Variants in MROH6 observed in about 807,000 individuals in gnomAD.
The protein encoded by MROH6 is maestro heat-like repeat-containing protein family member 6.
A neutral mutation model predicts 67.7 loss-of-function variants in MROH6; 62 were observed. The observed-to-expected ratio is 0.92, with a 90% CI of 0.75 to 1.13. MROH6 has a LOEUF of 1.13. MROH6 is among the 50% of genes most tolerant of loss of function. MROH6 has a pLI of 0.00. For synonymous variants in MROH6, 566 were observed against 470.8 expected, an observed-to-expected ratio of 1.20 and a Z score of -2.62; for missense variants, 1,175 against 1,029.1, an observed-to-expected ratio of 1.14 and a Z score of -1.94.
rs1198480106 is a variant in MROH6, at chr8:143,567,622, G to T, written c.1922C>A (p.Ser641Tyr). 2.6e-6 allele frequency: 4 copies of T among 1,564,632 alleles called. No homozygotes were observed. The Admixed American group carries it at 5.7e-5, about 22-fold the overall frequency. Residue 641 changes from serine (S) to tyrosine (Y), a missense_variant, in exon 13 of 14, where the codon TCC becomes TAC. Coordinates refer to ENST00000398882, the MANE Select transcript of MROH6 (RefSeq NM_001100878.2). ...AGGTGGGGCCTCACCCTGGAACAGGGAGTCCAGCAGGTCCTGGTTGACACA... is the reference window on the plus strand; with the variant it reads ...AGGTGGGGCCTCACCCTGGAACAGGTAGTCCAGCAGGTCCTGGTTGACACA... Reference protein sequence around the residue: ...PGCVNQDLLDSLFQDLGRLQS... With the variant: ...PGCVNQDLLDYLFQDLGRLQS...
chr8:143,569,694 C>T lies in MROH6; in HGVS notation c.1302+3G>A. On this transcript the variant is annotated splice_donor_region_variant and intron_variant, in intron 8 of 13. Transcript: ENST00000398882. ...CCTCTCCACCCCTCCCCTTCTCTCACACCTTCCTGCGATTCAGCGCGAGGT... is the reference window on the plus strand; with the variant it reads ...CCTCTCCACCCCTCCCCTTCTCTCATACCTTCCTGCGATTCAGCGCGAGGT... 2.5e-6 allele frequency: 4 copies of T among 1,612,426 alleles called. No homozygotes were observed. Among genetic ancestry groups the T allele is most frequent in the Non-Finnish European group, 3.4e-6 (4 of 1,179,252 alleles).
chr8:143,571,839 A>G lies in MROH6; in HGVS notation c.448-18T>C, dbSNP rs780614285. ...GCATGCACCTGGTGGGGAAGGGGGCAGACTTCAGCAGTCAGGCCTCCTCCA... is the reference window on the plus strand; with the variant it reads ...GCATGCACCTGGTGGGGAAGGGGGCGGACTTCAGCAGTCAGGCCTCCTCCA... On this transcript the variant is annotated intron_variant, in intron 2 of 13. Transcript: ENST00000398882. 1.3e-6 allele frequency: 2 copies of G among 1,533,494 alleles called. No homozygotes were observed. The highest frequency in any genetic ancestry group is 1.4e-5 in the African/African-American group (1 of 72,824). The allele number at this position is 1,533,494 out of a possible 1,614,324, so 95.0% of individuals were successfully genotyped here.
chr8:143,571,273 AG>A (rs1824020119), intron 3 of MROH6, among the ~76,000 whole-genome samples: 1 of 152,232 alleles, frequency 6.6e-6, no homozygotes, highest in Non-Finnish European at 1.5e-5. Flanking sequence ...ATTATTAAAA[AG>A]AAAAAAATTG....
Position 143,572,553 on chromosome 8 carries a change from A to C in MROH6, c.162T>G (p.Ala54=), listed in dbSNP as rs779858771. The C allele has an allele frequency of 2.5e-6, 4 of 1,606,956 alleles. No homozygotes were observed. Residue 54 remains alanine (A), a synonymous_variant, in exon 1 of 14, where the codon GCT becomes GCG. Transcript: ENST00000398882. The stretch of plus-strand genomic sequence containing the variant: ...CGGTGAGTGCCTGGGTCTGTGGCTC[A>C]GCCTCAGGTTTGACCTCCCAGGACT... ...QPKSWEVKPE[A]EPQTQALTAP... is the part of the protein sequence containing the mutation.
At chr8:143,570,105 G>A (rs780209590) in intron 6 of MROH6, 40 bp from the exon 7 acceptor site, 3 of 1,593,020 alleles carry the variant, frequency 1.9e-6, no homozygotes, top group Non-Finnish European at 2.6e-6. Context: ...TCCGTTTGGC[G>A]GCCTTTCTCC....
chr8:143,570,254 C>A lies in MROH6; in HGVS notation c.1032G>T (p.Leu344=). 1 of 1,565,468 alleles carries A rather than the reference C, an allele frequency of 6.4e-7. No individual in the cohort carries two copies. The highest frequency in any genetic ancestry group is 8.6e-7 in the Non-Finnish European group (1 of 1,157,740). ...CTCACCCTCCTCACCTGGCCAGCAG[C>A]AGGACGCCCTCCAGGTGGGTGTGGG... is the stretch of plus-strand genomic sequence containing the variant. ...VGAHTHLEGV[L]LLASAMVAHA... The change falls in exon 6 of 14, where the codon CTG becomes CTT. Residue 344 remains leucine, a synonymous_variant. Coordinates refer to ENST00000398882, the MANE Select transcript of MROH6 (RefSeq NM_001100878.2).
Position 143,572,433 on chromosome 8 carries a change from C to T in MROH6, c.282G>A (p.Glu94=). The change falls in exon 1 of 14, where the codon GAG becomes GAA. Residue 94 remains glutamate (E), a synonymous_variant. Coordinates refer to ENST00000398882, the MANE Select transcript of MROH6 (RefSeq NM_001100878.2). ...CCTCCCCCGTCACCTGGTGGGGCCC[C>T]TCAGGGGCTGGTTCCAGGGCACTGT... ...SLNSALEPAP[E]GPHQVPQSSW... 6.3e-7 allele frequency: 1 copy of T among 1,582,912 alleles called. No homozygotes were observed. Among genetic ancestry groups the T allele is most frequent in the Non-Finnish European group, 8.6e-7 (1 of 1,167,788 alleles).
At chr8:143,571,038 G>A (rs1454496615) in intron 3 of MROH6, 44 bp from the exon 4 acceptor site, 1 of 1,512,436 alleles carries the variant, frequency 6.6e-7, no homozygotes, top group East Asian at 2.5e-5. Flanking sequence ...AGATGGGTGG[G>A]TGTCCAGGGA....
In MROH6 at chr8:143,571,696, C is replaced by T. The variant is rs770551746; in HGVS notation, c.573G>A (p.Ala191=). 9.0e-6 allele frequency: 14 copies of T among 1,552,366 alleles called. No homozygotes were observed. Among genetic ancestry groups the T allele is most frequent in the Admixed American group, 3.9e-5 (2 of 51,516 alleles). Residue 191 remains alanine (A), a synonymous_variant, in exon 3 of 14, where the codon GCG becomes GCA. Coordinates refer to ENST00000398882, the MANE Select transcript of MROH6 (RefSeq NM_001100878.2). ...ALEHARDVVC[A]LLPRSLPADR... The stretch of plus-strand genomic sequence containing the variant: ...CGGCGGGCAGAGAGCGGGGTAGCAG[C>T]GCACACACCACGTCCCGCGCATGCT...
intron 4 of MROH6, 35 bp downstream of exon 4, chr8:143,570,841 CG>C: frequency 1.1e-6 from 1 of 900,712 alleles, no homozygotes; most frequent in Admixed American, 2.4e-5. Context: ...CCCCCACCCC[CG>C]CCCCCACCCC....
At chr8:143,572,335 A>G in intron 1 of MROH6, 86 bp downstream of exon 1, 1 of 1,478,776 alleles carries the variant, frequency 6.8e-7, no homozygotes, top group Non-Finnish European at 9.1e-7. Flanking sequence ...CGGGGCCAGC[A>G]CCGCCCCCCT....
rs1217512932 is a variant in MROH6 at position 143,568,159 on chromosome 8, G to A, written c.1747C>T (p.His583Tyr). The change falls in exon 11 of 14, where the codon CAC becomes TAC. Residue 583 changes from histidine (H) to tyrosine (Y), a missense_variant. Coordinates refer to ENST00000398882, the MANE Select transcript of MROH6 (RefSeq NM_001100878.2). Reference sequence around the variant, plus strand: ...CTACTGACCAGGCGGCAGCAGAGGTGGCTCAGGGCCTCGGGGCTGTCATAG... The same window carrying A: ...CTACTGACCAGGCGGCAGCAGAGGTAGCTCAGGGCCTCGGGGCTGTCATAG... ...AHYDSPEALS[H>Y]LCCRLVQRYP... 3.7e-6 allele frequency: 6 copies of A among 1,608,728 alleles called. No homozygotes were observed. Among genetic ancestry groups the A allele is most frequent in the Non-Finnish European group, 5.1e-6 (6 of 1,178,154 alleles).
chr8:143,568,716 G>T lies in MROH6; in HGVS notation c.1480C>A (p.Arg494=). 1 of 1,486,010 alleles carries T rather than the reference G, an allele frequency of 6.7e-7. No homozygotes were observed. The highest frequency in any genetic ancestry group is 1.3e-5 in the South Asian group (1 of 77,620). The allele number at this position is 1,486,010 out of a possible 1,614,324, so 92.1% of individuals were successfully genotyped here. Residue 494 remains arginine (R), a synonymous_variant, in exon 10 of 14, where the codon CGG becomes AGG. Transcript: ENST00000398882. ...PRLPPLLDDT[R]DSIRASAVGL... ...ACGGCCGAGGCGCGGATTGAGTCCC[G>T]TGTCTGCGTGGGAGGGCGCAGTCAG... is the stretch of plus-strand genomic sequence containing the variant.
At position 143,568,641 on chromosome 8, in the gene MROH6, C is replaced by T. The variant is rs769500836; in HGVS notation, c.1555G>A (p.Gly519Arg). The change falls in exon 10 of 14, where the codon GGG becomes AGG. Residue 519 changes from glycine (G) to arginine (R), a missense_variant. Coordinates refer to ENST00000398882, the MANE Select transcript of MROH6 (RefSeq NM_001100878.2). ...VRRGRGGLRL[G>R]LRGPLRKLVL... Reference sequence around the variant, plus strand: ...AGCTTCCGCAGGGGGCCGCGGAGCCCCAGCCGGAGCCCGCCCCGGCCCCGG... The same window carrying T: ...AGCTTCCGCAGGGGGCCGCGGAGCCTCAGCCGGAGCCCGCCCCGGCCCCGG... 6.5e-7 allele frequency: 1 copy of T among 1,534,836 alleles called. No individual in the cohort carries two copies. The highest frequency in any genetic ancestry group is 8.7e-7 in the Non-Finnish European group (1 of 1,146,006).
intron 9 of MROH6, 60 bp downstream of exon 9, chr8:143,569,381 G>T: frequency 7.4e-7 from 1 of 1,353,560 alleles, no homozygotes; most frequent in Non-Finnish European, 9.5e-7. Flanking sequence ...GGGAGAGACT[G>T]GAAGGGCGGG....
At chr8:143,570,433 C>T in intron 5 of MROH6, 40 bp downstream of exon 5, 1 of 1,168,018 alleles carries the variant, frequency 8.6e-7, no homozygotes, top group Non-Finnish European at 1.2e-6. Context: ...AGGGTGACAG[C>T]ATGCTGGCCC....
intron 3 of MROH6, 35 bp downstream of exon 3, chr8:143,571,632 G>T (rs766764735): frequency 3.2e-6 from 5 of 1,552,994 alleles, no homozygotes; most frequent in Non-Finnish European, 3.5e-6. Flanking sequence ...GAAGGAAGCC[G>T]CGTGGGGACC....
rs201317254 is a variant in MROH6, at chr8:143,569,856, G to A, written c.1159-16C>T. On this transcript the variant is annotated splice_polypyrimidine_tract_variant and intron_variant, in intron 7 of 13. Transcript: ENST00000398882. ...TCTGCAACAGCTAGGCGAGGCACAT[G>A]GGGTCAGCACGCCCGCGGTCCCCGT... The A allele has an allele frequency of 3.1e-6, 5 of 1,610,434 alleles. No homozygotes were observed. In the East Asian group the frequency reaches 1.1e-4, roughly 36 times the overall value.
rs1407200231 is a variant in MROH6, at chr8:143,570,901, C to G, written c.696G>C (p.Ser232=). The change falls in exon 4 of 14, where the codon TCG becomes TCC. Residue 232 remains serine, a synonymous_variant. Coordinates refer to ENST00000398882, the MANE Select transcript of MROH6 (RefSeq NM_001100878.2). ...VQLLWALKGA[S]GPEPQALAAT... ...CCGCCAGTGCCTGGGGCTCCGGCCCCGAAGCACCCTTCAGCGCCCACAGCA... is the reference window on the plus strand; with the variant it reads ...CCGCCAGTGCCTGGGGCTCCGGCCCGGAAGCACCCTTCAGCGCCCACAGCA... 1.9e-6 allele frequency: 3 copies of G among 1,548,002 alleles called. No homozygotes were observed. Among genetic ancestry groups the G allele is most frequent in the East Asian group, 2.4e-5 (1 of 40,914 alleles).
Sources: gnomAD v4.1 joint callset for allele counts (sites outside exome capture counted in the v4.1 genomes callset) on GRCh38, gnomAD v4.1.1 for gene constraint, MANE v1.5 for transcripts, NCBI Gene and HGNC (gene_info 2026-07-23, HGNC 2026-07-21) for gene names.